CPXM2: variants seen among roughly 807,000 people sequenced by gnomAD.
CPXM2 encodes carboxypeptidase X, M14 family member 2.
A neutral mutation model predicts 86.1 loss-of-function variants in CPXM2; 66 were observed. The observed-to-expected ratio is 0.77, with a 90% CI of 0.63 to 0.94. The LOEUF is 0.94. Among genes scored for constraint, CPXM2 ranks in the 40% least tolerant of loss-of-function variants. The pLI is 0.00. For synonymous variants in CPXM2, 388 were observed against 400.2 expected, an observed-to-expected ratio of 0.97 and a Z score of 0.36; for missense variants, 948 against 1,026.3, an observed-to-expected ratio of 0.92 and a Z score of 1.04.
chr10:123,880,809 A>T (rs113304954), intron 1 of CPXM2, among the ~76,000 whole-genome samples: 20 of 136,006 alleles, frequency 1.5e-4, no homozygotes, highest in Non-Finnish European at 1.7e-4. Flanking sequence ...AGCCTGGGTG[A>T]CAGAGCGAGA....
chr10:123,803,150 T>TTTTTTTG (rs1847498972), intron 4 of CPXM2, among the ~76,000 whole-genome samples: 1 of 103,900 alleles, frequency 9.6e-6, no homozygotes, highest in African/African-American at 4.5e-5. Flanking sequence ...TTTTTTTTTT[T>TTTTTTTG]GAGACAGCGT....
At chr10:123,748,739 G>C (rs1846015969) in intron 13 of CPXM2, among the ~76,000 whole-genome samples, 1 of 152,108 alleles carries the variant, frequency 6.6e-6, no homozygotes, top group South Asian at 2.1e-4. Flanking sequence ...CACGTCGACA[G>C]GCTGAATTAT....
At chr10:123,793,500 G>C (rs1364383417) in intron 6 of CPXM2, among the ~76,000 whole-genome samples, 1 of 142,970 alleles carries the variant, frequency 7.0e-6, no homozygotes, top group Non-Finnish European at 1.5e-5. Flanking sequence ...AGTGGAATTT[G>C]CACCCAGGTC....
At chr10:123,810,774 C>T (rs1210922023) in intron 4 of CPXM2, among the ~76,000 whole-genome samples, 1 of 152,058 alleles carries the variant, frequency 6.6e-6, no homozygotes, top group Non-Finnish European at 1.5e-5. Flanking sequence ...ATCTCAATTG[C>T]ATTTTCAAGA....
At chr10:123,843,155 T>G in intron 3 of CPXM2, 1 of 350,162 alleles carries the variant, frequency 2.9e-6, no homozygotes, top group Non-Finnish European at 5.4e-6. Context: ...TCTTGGTATG[T>G]TGCCCAGGCT....
At chr10:123,880,145 T>TTGGCCCCCCCCCCCCC in intron 2 of CPXM2, 66 bp downstream of exon 2, 1 of 407,580 alleles carries the variant, frequency 2.5e-6, no homozygotes. Context: ...CAGGGGCCTG[T>TTGGCCCCCCCCCCCCC]ACCCACCCAC....
upstream of CPXM2, among the ~76,000 whole-genome samples, chr10:123,941,176 A>C (rs1196702228): frequency 6.6e-6 from 1 of 152,198 alleles, no homozygotes; most frequent in Admixed American, 6.5e-5. Context: ...ATCTCAAAAC[A>C]AAAAAATAAA....
intron 4 of CPXM2, among the ~76,000 whole-genome samples, chr10:123,838,188 A>G (rs1319154415): frequency 6.6e-6 from 1 of 152,246 alleles, no homozygotes; most frequent in African/African-American, 2.4e-5. Context: ...AGGGCAAGGC[A>G]CGATGGCTCA....
At chr10:123,777,009 C>G (rs1846808007) in intron 7 of CPXM2, 1 of 152,100 alleles carries the variant, frequency 6.6e-6, no homozygotes, top group African/African-American at 2.4e-5. Context: ...CGCACCTGGC[C>G]CAATGGAAAA....
intron 13 of CPXM2, among the ~76,000 whole-genome samples, chr10:123,747,258 C>T (rs1184327652): frequency 1.3e-5 from 2 of 152,204 alleles, no homozygotes; most frequent in Non-Finnish European, 2.9e-5. Context: ...AGTGTCAATA[C>T]ACAGGAGCAA....
At chr10:123,860,744 G>A (rs1590075757) in intron 3 of CPXM2, among the ~76,000 whole-genome samples, 1 of 151,850 alleles carries the variant, frequency 6.6e-6, no homozygotes, top group Admixed American at 6.6e-5. Context: ...GTGGGGACAC[G>A]AACATAGCTC....
chr10:123,795,873 T>C (rs748246614), intron 6 of CPXM2, among the ~76,000 whole-genome samples: 1 of 152,158 alleles, frequency 6.6e-6, no homozygotes, highest in Non-Finnish European at 1.5e-5. Context: ...GAAGTATTTA[T>C]TTCATGAGAC....
At chr10:123,747,506 G>A (rs2133961188) in intron 13 of CPXM2, among the ~76,000 whole-genome samples, 1 of 152,312 alleles carries the variant, frequency 6.6e-6, no homozygotes. Flanking sequence ...TGGCCCCAGA[G>A]AGGCCCTGGC....
intron 4 of CPXM2, among the ~76,000 whole-genome samples, chr10:123,834,862 T>C (rs560198792): frequency 3.5e-4 from 54 of 152,256 alleles, no homozygotes; most frequent in African/African-American, 1.3e-3. Flanking sequence ...CAAGCTTCCA[T>C]GACAGCTGGT....
intron 6 of CPXM2, among the ~76,000 whole-genome samples, chr10:123,782,913 G>T (rs1236784102): frequency 6.6e-6 from 1 of 152,220 alleles, no homozygotes; most frequent in Non-Finnish European, 1.5e-5. Flanking sequence ...TTGCAGTAAA[G>T]AAGTCGGGAA....
At chr10:123,928,693 C>CTCAGCTAACAGCTGGATCCCGCTAACAG (rs1945643456) in intron 2 of CPXM2, among the ~76,000 whole-genome samples, 1 of 152,210 alleles carries the variant, frequency 6.6e-6, no homozygotes. Flanking sequence ...CGCTAACAGC[C>CTCAGCTAACAGCTGGATCCCGCTAACAG]CTGGCTGAGA....
In CPXM2 at chr10:123,891,365, G is replaced by A. The variant is rs374015354; in HGVS notation, c.295C>T (p.Pro99Ser). The A allele has an allele frequency of 2.6e-6, 4 of 1,549,580 alleles. No individual in the cohort carries two copies. In the Admixed American group the frequency reaches 5.8e-5, roughly 22 times the overall value. The change falls in exon 1 of 14, where the codon CCT becomes TCT. Residue 99 changes from proline (P) to serine (S), a missense_variant. Physicochemically the swap from Pro to Ser is moderately conservative, Grantham distance 74. Coordinates refer to ENST00000241305, the MANE Select transcript of CPXM2 (RefSeq NM_198148.3). This position sits in a 1 kb window ranked among gnomAD's most constrained non-coding sequence, Gnocchi z 5.6. ...GCAGAAAGTTCCTTACCTGGTGGAG[G>A]CGGCTCCGGAGCCGACTTCTCCCTC... ...PKREKSAPEPPPPGKHSNKKV... is the reference protein window; with the variant it reads ...PKREKSAPEPSPPGKHSNKKV...
intron 2 of CPXM2, among the ~76,000 whole-genome samples, chr10:123,911,964 T>C (rs1232417615): frequency 6.6e-6 from 1 of 151,858 alleles, no homozygotes; most frequent in African/African-American, 2.4e-5. Context: ...GAGTGAAAGT[T>C]TATTTGAAAA....
chr10:123,941,027 A>C (rs1002977054), upstream of CPXM2, among the ~76,000 whole-genome samples: 3 of 151,956 alleles, frequency 2.0e-5, no homozygotes, highest in African/African-American at 7.3e-5. Context: ...AAAGATTAGC[A>C]GGGCGTGCTG....
Sources: gnomAD v4.1 joint callset for allele counts (sites outside exome capture counted in the v4.1 genomes callset) on GRCh38, gnomAD v4.1.1 for gene constraint, Gnocchi (gnomAD v3.1) non-coding constraint, MANE v1.5 for transcripts, NCBI Gene and HGNC (gene_info 2026-07-23, HGNC 2026-07-21) for gene names.